Variants in SORCS1 observed in about 807,000 individuals in gnomAD.
SORCS1 encodes the protein VPS10 domain-containing receptor SorCS1.
Under a neutral mutation model 146.1 loss-of-function variants are expected in SORCS1, and 60 were observed. The observed-to-expected ratio is 0.41, with a 90% CI of 0.33 to 0.51. The LOEUF (loss-of-function observed/expected upper bound fraction) is 0.51. Ranked by LOEUF, SORCS1 falls within the 20% of genes least tolerant of loss-of-function variation. SORCS1 has a pLI of 0.21. For missense variants in SORCS1, 1,352 were observed against 1,487.6 expected, an observed-to-expected ratio of 0.91 and a Z score of 1.50; for synonymous variants, 637 against 584.0, an observed-to-expected ratio of 1.09 and a Z score of -1.31.
At chr10:107,033,430 G>A (rs2133944484) in intron 1 of SORCS1, among the ~76,000 whole-genome samples, 1 of 152,280 alleles carries the variant, frequency 6.6e-6, no homozygotes, top group East Asian at 1.9e-4. Context: ...TTTTCATAAA[G>A]CCTCAGTCTC....
At chr10:106,879,337 A>T (rs1950727229) in intron 2 of SORCS1, among the ~76,000 whole-genome samples, 1 of 152,182 alleles carries the variant, frequency 6.6e-6, no homozygotes, top group Non-Finnish European at 1.5e-5. Flanking sequence ...ACACTCACAT[A>T]CTAAAATACA....
intron 5 of SORCS1, among the ~76,000 whole-genome samples, chr10:106,736,602 T>A (rs1856962266): frequency 2.6e-5 from 1 of 38,754 alleles, no homozygotes; most frequent in African/African-American, 6.9e-5. Flanking sequence ...TAACCCTGGT[T>A]AAAAAAAAAA....
chr10:106,955,415 A>C (rs186513109), intron 2 of SORCS1, among the ~76,000 whole-genome samples: 105 of 152,346 alleles, frequency 6.9e-4, no homozygotes, highest in African/African-American at 2.4e-3. Flanking sequence ...GGCAGGCATG[A>C]GATATCAACC....
At chr10:106,894,583 G>A (rs964226633) in intron 2 of SORCS1, among the ~76,000 whole-genome samples, 1 of 152,114 alleles carries the variant, frequency 6.6e-6, no homozygotes, top group Non-Finnish European at 1.5e-5. Context: ...TAAGTGCTGT[G>A]TGGAATAAAC....
At chr10:106,732,720 G>T (rs1358964294) in intron 5 of SORCS1, among the ~76,000 whole-genome samples, 1 of 152,112 alleles carries the variant, frequency 6.6e-6, no homozygotes, top group Non-Finnish European at 1.5e-5. Flanking sequence ...TTCCATGTGC[G>T]TATAGTCTCA....
chr10:107,003,110 C>A (rs1200679923), intron 1 of SORCS1, among the ~76,000 whole-genome samples: 4 of 152,154 alleles, frequency 2.6e-5, no homozygotes, highest in South Asian at 4.2e-4. Flanking sequence ...CAAAAATTAG[C>A]CAGGCATGGT....
intron 3 of SORCS1, among the ~76,000 whole-genome samples, chr10:106,824,713 C>T (rs1948212893): frequency 6.6e-6 from 1 of 151,984 alleles, no homozygotes; most frequent in South Asian, 2.1e-4. Flanking sequence ...TTAGAAAGTG[C>T]CACATATAAT....
At chr10:106,995,702 G>A (rs997489898) in intron 1 of SORCS1, among the ~76,000 whole-genome samples, 4 of 152,022 alleles carry the variant, frequency 2.6e-5, no homozygotes, top group African/African-American at 4.8e-5. Context: ...AAAAATATTC[G>A]TCATGGTAGA....
At chr10:107,140,768 T>G (rs1397997852) in intron 1 of SORCS1, among the ~76,000 whole-genome samples, 1 of 152,246 alleles carries the variant, frequency 6.6e-6, no homozygotes, top group Non-Finnish European at 1.5e-5. Context: ...TAATTCTGGC[T>G]GAGCATTGGA....
intron 8 of SORCS1, among the ~76,000 whole-genome samples, chr10:106,705,618 C>G (rs1331458094): frequency 1.3e-5 from 2 of 152,198 alleles, no homozygotes; most frequent in Non-Finnish European, 2.9e-5. Context: ...CCTGCATAGT[C>G]CCTTTCTTAT....
At chr10:106,836,795 T>C (rs1948810634) in intron 2 of SORCS1, among the ~76,000 whole-genome samples, 1 of 152,094 alleles carries the variant, frequency 6.6e-6, no homozygotes, top group Non-Finnish European at 1.5e-5. Flanking sequence ...AAAGAAGGTA[T>C]ATCCTTTATC....
At chr10:106,660,101 G>T (rs1850611192) in intron 17 of SORCS1, among the ~76,000 whole-genome samples, 1 of 152,074 alleles carries the variant, frequency 6.6e-6, no homozygotes, top group African/African-American at 2.4e-5. Context: ...AAGTATCCTT[G>T]AGAGGAGATC....
intron 1 of SORCS1, among the ~76,000 whole-genome samples, chr10:107,095,361 C>T (rs1314713263): frequency 3.3e-5 from 5 of 152,084 alleles, no homozygotes; most frequent in African/African-American, 9.7e-5. Context: ...TGCAAACAAC[C>T]GAAGGGTACA....
At chr10:107,180,941 C>T in the SORCS1 span, among the ~76,000 whole-genome samples, 1 of 152,176 alleles carries the variant, frequency 6.6e-6, no homozygotes. Flanking sequence ...GTACTGAATA[C>T]TGTAGGCAAT....
intron 1 of SORCS1, among the ~76,000 whole-genome samples, chr10:106,981,010 G>A (rs1052302266): frequency 1.8e-4 from 27 of 152,088 alleles, no homozygotes; most frequent in African/African-American, 6.3e-4. Flanking sequence ...AAACAACTGG[G>A]TGACACAATG....
chr10:106,748,676 T>C (rs1326731816), intron 5 of SORCS1, among the ~76,000 whole-genome samples: 1 of 152,222 alleles, frequency 6.6e-6, no homozygotes, highest in Non-Finnish European at 1.5e-5. Flanking sequence ...GACTTTATGA[T>C]AACATTACAT....
At chr10:107,166,330 G>A (rs1015736484), upstream of SORCS1, among the ~76,000 whole-genome samples, 1 of 152,172 alleles carries the variant, frequency 6.6e-6, no homozygotes, top group Non-Finnish European at 1.5e-5. Context: ...CCAAGAAAAC[G>A]TCTGTTATAT....
chr10:106,882,988 A>G (rs1950861981), intron 2 of SORCS1, among the ~76,000 whole-genome samples: 1 of 152,196 alleles, frequency 6.6e-6, no homozygotes, highest in Non-Finnish European at 1.5e-5. Flanking sequence ...TACACATTAT[A>G]TAACATTTCG....
At chr10:106,822,470 CTTA>C (rs1264919337) in intron 3 of SORCS1, among the ~76,000 whole-genome samples, 1 of 152,120 alleles carries the variant, frequency 6.6e-6, no homozygotes, top group Non-Finnish European at 1.5e-5. Context: ...GCATTCTGCA[CTTA>C]TTATTCTGTA....
Sources: allele counts gnomAD v4.1 joint callset (sites outside exome capture counted in the v4.1 genomes callset), GRCh38; gene constraint gnomAD v4.1.1; transcripts MANE v1.5; gene names NCBI Gene and HGNC (gene_info 2026-07-23, HGNC 2026-07-21).